Variants in UBE4A observed in about 807,000 individuals in gnomAD.
UBE4A encodes the protein ubiquitin conjugation factor E4 A.
In UBE4A, 48 loss-of-function variants were observed where a neutral mutation model predicts 117.9. The ratio of observed to expected loss-of-function variants is 0.41; its 90% confidence interval spans 0.32 to 0.52. The LOEUF (loss-of-function observed/expected upper bound fraction) is 0.52, where lower values mean the gene tolerates loss of function less well. Ranked by LOEUF, UBE4A falls within the 20% of genes least tolerant of loss-of-function variation. The probability of loss-of-function intolerance (pLI) is 0.33; values close to 1 mark genes in which losing one functional copy is unlikely to be tolerated. For missense variants in UBE4A, 1,067 were observed against 1,296.3 expected, an observed-to-expected ratio of 0.82 and a Z score of 2.72; for synonymous variants, 407 against 450.0, an observed-to-expected ratio of 0.90 and a Z score of 1.21.
At position 118,384,878 on chromosome 11, in the gene UBE4A, C is replaced by G. The variant is rs782496930; in HGVS notation, c.2345C>G (p.Pro782Arg). 28 of 1,613,372 alleles carry G rather than the reference C, an allele frequency of 1.7e-5. No individual in the cohort carries two copies. Among genetic ancestry groups the G allele is most frequent in the Non-Finnish European group, 2.4e-5 (28 of 1,179,928 alleles). The change falls in exon 15 of 20, where the codon CCA becomes CGA. Residue 782 changes from proline (P) to arginine (R), a missense_variant. This residue lies in a region of UBE4A where 1,001 missense variants were observed against 1,184.0 expected (regional missense o/e 0.85). Transcript: ENST00000252108. ...AAGAATTTAGAAGCCATGAATCCCC[C>G]ACTTTTCCTCCGCTTTCTTAACCTG... ...ASKNLEAMNP[P>R]LFLRFLNLLM...
chr11:118,389,327 C>G (rs1555127794), intron 16 of UBE4A, among the ~76,000 whole-genome samples: 1 of 152,162 alleles, frequency 6.6e-6, no homozygotes, highest in African/African-American at 2.4e-5. Flanking sequence ...CAGGGACATA[C>G]ACTTACTAAA....
chr11:118,398,939 A>T lies in UBE4A; in HGVS notation c.*2499A>T. 3.2e-6 allele frequency: 1 copy of T among 316,052 alleles called. No homozygotes were observed. The highest frequency in any genetic ancestry group is 9.9e-5 in the East Asian group (1 of 10,072). 19.6% of individuals were successfully genotyped at this position (316,052 alleles called of 1,614,324 possible). On this transcript the variant is annotated 3_prime_UTR_variant, in exon 20 of 20. Coordinates refer to ENST00000252108, the MANE Select transcript of UBE4A (RefSeq NM_001204077.2). The stretch of plus-strand genomic sequence containing the variant: ...ATTACTTTATTTGATGGTGGTTGCT[A>T]AGCAGCCATTGCACAGAGCATAAGT...
Position 118,368,708 on chromosome 11 carries a change from G to C in UBE4A, c.199G>C (p.Glu67Gln). 6.2e-7 allele frequency: 1 copy of C among 1,614,200 alleles called. No homozygotes were observed. Among genetic ancestry groups the C allele is most frequent in the Admixed American group, 1.7e-5 (1 of 60,022 alleles). The change falls in exon 3 of 20, where the codon GAG becomes CAG. Residue 67 changes from glutamate (E) to glutamine (Q), a missense_variant. Transcript: ENST00000252108. ...GGATGAATTCGATTACTCTGTGGCT[G>C]AGATTAGCCGCTCATTCCGATCACA... is the stretch of plus-strand genomic sequence containing the variant. ...SLDEFDYSVA[E>Q]ISRSFRSQQE...
At chr11:118,390,599 G>A (rs200121816) in intron 17 of UBE4A, 58 bp from the exon 18 acceptor site, 2 of 1,380,926 alleles carry the variant, frequency 1.4e-6, no homozygotes, top group African/African-American at 1.5e-5. Flanking sequence ...CCTACCTATT[G>A]TCTCTTCCAT....
intron 1 of UBE4A, among the ~76,000 whole-genome samples, chr11:118,363,090 T>C (rs1948533062): frequency 6.6e-6 from 1 of 152,232 alleles, no homozygotes; most frequent in Non-Finnish European, 1.5e-5. Context: ...CAGCTAACAA[T>C]AAGACAATTC....
intron 1 of UBE4A, among the ~76,000 whole-genome samples, chr11:118,361,316 G>A (rs1006450957): frequency 6.6e-6 from 1 of 152,088 alleles, no homozygotes; most frequent in Non-Finnish European, 1.5e-5. Flanking sequence ...TACTGCGCCC[G>A]GCGCTGAAAA....
chr11:118,374,968 C>A lies in UBE4A; in HGVS notation c.1189C>A (p.His397Asn). The A allele has an allele frequency of 6.3e-7, 1 of 1,598,774 alleles. No individual in the cohort carries two copies. Among genetic ancestry groups the A allele is most frequent in the Non-Finnish European group, 8.5e-7 (1 of 1,170,682 alleles). ...NLLQLSPETK[H>N]CILSWLGNCL... is the part of the protein sequence containing the mutation. ...ACTCCAGCTCTCTCCAGAAACCAAA[C>A]ACTGTATCTTGTCCTGGCTTGGAAA... Residue 397 changes from histidine (H) to asparagine (N), a missense_variant, in exon 9 of 20, where the codon CAC becomes AAC. This residue lies in a region of UBE4A where 1,001 missense variants were observed against 1,184.0 expected (regional missense o/e 0.85). Transcript: ENST00000252108.
At chr11:118,367,105 C>T (rs1481596203) in intron 2 of UBE4A, among the ~76,000 whole-genome samples, 1 of 151,748 alleles carries the variant, frequency 6.6e-6, no homozygotes, top group Non-Finnish European at 1.5e-5. Context: ...TTGGCTGAGG[C>T]AGGAGAATCA....
At chr11:118,383,060 A>G (rs977656607) in intron 13 of UBE4A, among the ~76,000 whole-genome samples, 8 of 152,008 alleles carry the variant, frequency 5.3e-5, no homozygotes, top group African/African-American at 1.7e-4. Context: ...CAGTTTGTCC[A>G]TGTCATAACA....
intron 12 of UBE4A, 55 bp downstream of exon 12, chr11:118,381,578 G>T: frequency 6.3e-7 from 1 of 1,592,038 alleles, no homozygotes; most frequent in South Asian, 1.1e-5. Context: ...ACATTCAGAA[G>T]ACTTCTAAAC....
In UBE4A at chr11:118,372,625, A is replaced by C; in HGVS notation, c.680A>C (p.Glu227Ala). The C allele has an allele frequency of 1.2e-6, 2 of 1,614,190 alleles. No individual in the cohort carries two copies. Among genetic ancestry groups the C allele is most frequent in the Non-Finnish European group, 1.7e-6 (2 of 1,180,030 alleles). The stretch of plus-strand genomic sequence containing the variant: ...ATCTATGTTGACCAAAACATCCATG[A>C]GCAACTGGTAGATTTGATGTTAGAA... ...PEIYVDQNIH[E>A]QLVDLMLEAI... Residue 227 changes from glutamate (E) to alanine (A), a missense_variant, in exon 6 of 20, where the codon GAG becomes GCG. Physicochemically the swap from Glu to Ala is moderately radical, Grantham distance 107 (BLOSUM62 -1). Coordinates refer to ENST00000252108, the MANE Select transcript of UBE4A (RefSeq NM_001204077.2).
At position 118,384,688 on chromosome 11, in the gene UBE4A, A is replaced by G; in HGVS notation, c.2251A>G (p.Ile751Val). The change falls in exon 14 of 20, where the codon ATC becomes GTC. Residue 751 changes from isoleucine to valine, a missense_variant. Transcript: ENST00000252108. Reference protein sequence around the residue: ...KFNYRRPMYPILRYMWGTDTY... With the variant: ...KFNYRRPMYPVLRYMWGTDTY... Reference sequence around the variant, plus strand: ...TAATTACCGCCGTCCCATGTATCCTATCCTAAGATACATGTGGGGGACAGA... The same window carrying G: ...TAATTACCGCCGTCCCATGTATCCTGTCCTAAGATACATGTGGGGGACAGA... 1 of 1,614,098 alleles carries G rather than the reference A, an allele frequency of 6.2e-7. No homozygotes were observed. Among genetic ancestry groups the G allele is most frequent in the Non-Finnish European group, 8.5e-7 (1 of 1,180,010 alleles).
chr11:118,373,053 G>T (rs1274285848), intron 6 of UBE4A, 33 bp from the exon 7 acceptor site: 1 of 1,596,858 alleles, frequency 6.3e-7, no homozygotes, highest in Non-Finnish European at 8.6e-7. Context: ...AAATTCTTGT[G>T]CCCTCCTTTC....
intron 4 of UBE4A, among the ~76,000 whole-genome samples, chr11:118,370,180 C>T (rs528402839): frequency 1.3e-5 from 2 of 152,202 alleles, no homozygotes; most frequent in South Asian, 2.1e-4. Context: ...GCCTCTGAAT[C>T]TCTTGTGGGA....
chr11:118,374,839 G>A, intron 8 of UBE4A, 57 bp from the exon 9 acceptor site: 1 of 1,410,818 alleles, frequency 7.1e-7, no homozygotes, highest in South Asian at 1.9e-5. Context: ...TAAGGTTTGG[G>A]AATAAAAACT....
intron 2 of UBE4A, among the ~76,000 whole-genome samples, chr11:118,368,044 CTCTAA>C (rs1330242969): frequency 6.6e-6 from 1 of 152,016 alleles, no homozygotes; most frequent in Non-Finnish European, 1.5e-5. Flanking sequence ...TGAGGTAGGC[CTCTAA>C]ATGGCCTAAC....
At chr11:118,384,520 G>A in intron 13 of UBE4A, 115 bp from the exon 14 acceptor site, 2 of 890,296 alleles carry the variant, frequency 2.2e-6, no homozygotes, top group Non-Finnish European at 3.4e-6. Context: ...GATTTTGTTA[G>A]TAGCCTTAAC....
Position 118,381,493 on chromosome 11 carries a change from T to A in UBE4A, c.1979T>A (p.Phe660Tyr), listed in dbSNP as rs782568055. The change falls in exon 12 of 20, where the codon TTT becomes TAT. Residue 660 changes from phenylalanine (F) to tyrosine (Y), a missense_variant. By Grantham distance (22) the Phe-to-Tyr change is conservative. Around this residue, in one of 3 missense-constraint regions of UBE4A, gnomAD observed 1,001 missense variants for 1,184.0 expected, o/e 0.85. Transcript: ENST00000252108. ...SADSLEHVLHFITIFTGSIER... is the reference protein window; with the variant it reads ...SADSLEHVLHYITIFTGSIER... ...GATTCCCTGGAGCATGTCCTTCACT[T>A]TATCACCATTTTCACTGGAAGCATA... 4.3e-6 allele frequency: 7 copies of A among 1,613,974 alleles called. No homozygotes were observed. Among genetic ancestry groups the A allele is most frequent in the Non-Finnish European group, 4.2e-6 (5 of 1,179,972 alleles).
intron 5 of UBE4A, among the ~76,000 whole-genome samples, chr11:118,372,281 C>A (rs756352331): frequency 6.6e-6 from 1 of 152,122 alleles, no homozygotes; most frequent in African/African-American, 2.4e-5. Flanking sequence ...CTCATGAATT[C>A]ATTTCCACTG....
Sources: gnomAD v4.1 joint callset for allele counts (sites outside exome capture counted in the v4.1 genomes callset) on GRCh38, gnomAD v4.1.1 for gene constraint, gnomAD v4.1.1 regional missense constraint, MANE v1.5 for transcripts, NCBI Gene and HGNC (gene_info 2026-07-23, HGNC 2026-07-21) for gene names.